GHITM: variants seen among roughly 807,000 people sequenced by gnomAD.
GHITM encodes growth hormone inducible transmembrane protein.
GHITM carries 24 observed loss-of-function variants against 38.7 expected under a neutral mutation model. The ratio of observed to expected loss-of-function variants is 0.62; its 90% CI spans 0.45 to 0.87. The LOEUF is 0.87. Ranked by LOEUF, GHITM falls within the 40% of genes least tolerant of loss-of-function variation. GHITM has a pLI of 0.00. For synonymous variants in GHITM, 154 were observed against 147.8 expected, an observed-to-expected ratio of 1.04 and a Z score of -0.30; for missense variants, 420 against 429.8, an observed-to-expected ratio of 0.98 and a Z score of 0.20.
rs377733810 is a variant in GHITM at position 84,150,240 on chromosome 10, T to C, written c.778T>C (p.Leu260=). Residue 260 remains leucine, a synonymous_variant, in exon 7 of 9, where the codon TTG becomes CTG. Transcript: ENST00000372134. ...VGLGLVFVSS[L]GSMFLPPTTV... ...CCTGGGTCTCGTCTTTGTGTCCTCATTGGGTAAGCTGCTGTGTTTTAACAC... is the reference window on the plus strand; with the variant it reads ...CCTGGGTCTCGTCTTTGTGTCCTCACTGGGTAAGCTGCTGTGTTTTAACAC... 5.6e-6 allele frequency: 9 copies of C among 1,600,866 alleles called. No homozygotes were observed. In the East Asian group the frequency reaches 6.7e-5, roughly 12 times the overall value.
rs1319374928 is a variant in GHITM, at chr10:84,152,549, A to T, written c.*201A>T. On this transcript the variant is annotated 3_prime_UTR_variant, in exon 9 of 9. Transcript: ENST00000372134. ...TAAATGCAGTAATCCTCTCCCAAATAAGCACACACATTTTCAATTCTCATG... is the reference window on the plus strand; with the variant it reads ...TAAATGCAGTAATCCTCTCCCAAATTAGCACACACATTTTCAATTCTCATG... The T allele has an allele frequency of 1.5e-5, 6 of 400,206 alleles. No individual in the cohort carries two copies. Among genetic ancestry groups the T allele is most frequent in the Non-Finnish European group, 2.2e-5 (5 of 225,926 alleles). 24.8% of individuals were successfully genotyped at this position (400,206 alleles called of 1,614,324 possible).
At chr10:84,152,040 A>AT (rs930946014) in intron 8 of GHITM, among the ~76,000 whole-genome samples, 4 of 152,282 alleles carry the variant, frequency 2.6e-5, no homozygotes, top group African/African-American at 9.6e-5. Flanking sequence ...TAAAATAATG[A>AT]TTTTTTTAAA....
rs767211971 is a variant in GHITM at position 84,142,649 on chromosome 10, T to C, written c.130-6T>C. 1.1e-5 allele frequency: 18 copies of C among 1,597,042 alleles called. No individual in the cohort carries two copies. Among genetic ancestry groups the C allele is most frequent in the East Asian group, 1.1e-4 (5 of 44,692 alleles). Reference sequence around the variant, plus strand: ...TGGTACGTGTCTTTGTTTGCATGTGTGTCAGGAATATGCCACCAAAACAAG... The same window carrying C: ...TGGTACGTGTCTTTGTTTGCATGTGCGTCAGGAATATGCCACCAAAACAAG... On this transcript the variant is annotated splice_polypyrimidine_tract_variant and splice_region_variant and intron_variant, in intron 2 of 8. Coordinates refer to ENST00000372134, the MANE Select transcript of GHITM (RefSeq NM_014394.3).
In GHITM at chr10:84,144,889, A is replaced by G. The variant is rs1841542982; in HGVS notation, c.356A>G (p.Tyr119Cys). 2 of 1,584,276 alleles carry G rather than the reference A, an allele frequency of 1.3e-6. No homozygotes were observed. The highest frequency in any genetic ancestry group is 1.1e-5 in the South Asian group (1 of 87,016). The change falls in exon 5 of 9, where the codon TAT (tyrosine) becomes TGT (cysteine). Residue 119 changes from tyrosine to cysteine, a missense_variant. Transcript: ENST00000372134. ...AIEKAVIWPQYVKDRIHSTYM... is the reference protein window; with the variant it reads ...AIEKAVIWPQCVKDRIHSTYM... ...GTTTCTTACAGAATTTGGCCTCAGT[A>G]TGTCAAGGATAGAATTCATTCCACC...
Position 84,148,226 on chromosome 10 carries a change from ACT to A in GHITM, c.484-501_484-500del, listed in dbSNP as rs147894365. On this transcript the variant is annotated intron_variant, in intron 5 of 8. Coordinates refer to ENST00000372134, the MANE Select transcript of GHITM (RefSeq NM_014394.3). ...GGGCACTCGTGCTAACTTAGCCAAA[ACT>A]CTGAAATAAACCCAGAGCTTTTAAT... Among the ~76,000 whole-genome samples, 226 of 152,296 alleles carry A rather than the reference ACT, an allele frequency of 1.5e-3. 5 individuals are homozygous for A. In the East Asian group the frequency reaches 0.034, roughly 23 times the overall value.
Position 84,150,078 on chromosome 10 carries a change from C to T in GHITM, c.616C>T (p.Pro206Ser), listed in dbSNP as rs1214410078. The T allele has an allele frequency of 4.4e-6, 7 of 1,600,980 alleles. No individual in the cohort carries two copies. The highest frequency in any genetic ancestry group is 6.0e-6 in the Non-Finnish European group (7 of 1,171,356). ...AGGTGTGATGGGTGCAGTGGTGGCT[C>T]CTCTGACAATATTAGGGGGTCCTCT... The part of the protein sequence containing the change: ...HSGVMGAVVA[P>S]LTILGGPLLI... Residue 206 changes from proline to serine, a missense_variant, in exon 7 of 9, where the codon CCT becomes TCT. By Grantham distance (74) the Pro-to-Ser change is moderately conservative. Transcript: ENST00000372134.
intron 2 of GHITM, among the ~76,000 whole-genome samples, chr10:84,141,936 T>A (rs1432256652): frequency 8.3e-6 from 1 of 119,960 alleles, no homozygotes; most frequent in African/African-American, 5.4e-5. Context: ...GAGCACATAG[T>A]CAGAAGTTTA....
At chr10:84,142,583 A>T in intron 2 of GHITM, 72 bp from the exon 3 acceptor site, 1 of 914,476 alleles carries the variant, frequency 1.1e-6, no homozygotes, top group Non-Finnish European at 1.7e-6. Context: ...GTGTAAAGGG[A>T]TCTTGCATTT....
intron 5 of GHITM, among the ~76,000 whole-genome samples, chr10:84,148,253 T>A (rs1214755112): frequency 6.6e-6 from 1 of 152,176 alleles, no homozygotes; most frequent in Non-Finnish European, 1.5e-5. Flanking sequence ...GAGCTTTTAA[T>A]GTGCCAGAAA....
chr10:84,144,941 T>A lies in GHITM; in HGVS notation c.408T>A (p.Gly136=). The A allele has an allele frequency of 6.2e-7, 1 of 1,612,174 alleles. No homozygotes were observed. Among genetic ancestry groups the A allele is most frequent in the South Asian group, 1.1e-5 (1 of 90,946 alleles). The change falls in exon 5 of 9, where the codon GGT becomes GGA. Residue 136 remains glycine, a synonymous_variant. Transcript: ENST00000372134. ...STYMYLAGSI[G]LTALSAIAIS... is the part of the protein sequence containing the mutation. ...ATATGTACTTAGCAGGGAGTATTGG[T>A]TTAACAGCTTTGTCTGCCATAGCAA...
At chr10:84,141,693 G>T in intron 2 of GHITM, 64 bp downstream of exon 2, 1 of 1,500,662 alleles carries the variant, frequency 6.7e-7, no homozygotes, top group Admixed American at 1.7e-5. Context: ...CTTTTTGGCA[G>T]AGTATGGCTG....
At chr10:84,151,731 A>T (rs1049149704) in intron 8 of GHITM, among the ~76,000 whole-genome samples, 38 of 152,140 alleles carry the variant, frequency 2.5e-4, no homozygotes, top group African/African-American at 7.5e-4. Context: ...GGGTTATTTT[A>T]TTTAAACAAT....
Position 84,150,260 on chromosome 10 carries a change from T to C in GHITM, c.781+17T>C, listed in dbSNP as rs1403914550. 1 of 1,563,508 alleles carries C rather than the reference T, an allele frequency of 6.4e-7. No individual in the cohort carries two copies. The highest frequency in any genetic ancestry group is 1.4e-5 in the African/African-American group (1 of 73,522). ...CCTCATTGGGTAAGCTGCTGTGTTT[T>C]AACACTTAATTCTTGGTGCATAGTT... On this transcript the variant is annotated intron_variant, in intron 7 of 8. Transcript: ENST00000372134.
At chr10:84,141,342 C>T in intron 1 of GHITM, 120 bp from the exon 2 acceptor site, 2 of 589,582 alleles carry the variant, frequency 3.4e-6, no homozygotes, top group Non-Finnish European at 3.0e-6. Context: ...GCTTTATTTC[C>T]TGTTCTACTA....
rs1841630544 is a variant in GHITM at position 84,153,532 on chromosome 10, T to C, written c.*1184T>C. Among the ~76,000 whole-genome samples, 2 of 152,354 alleles carry C rather than the reference T, an allele frequency of 1.3e-5. No individual in the cohort carries two copies. Among genetic ancestry groups the C allele is most frequent in the African/African-American group, 2.4e-5 (1 of 41,592 alleles). On this transcript the variant is annotated 3_prime_UTR_variant, in exon 9 of 9. Coordinates refer to ENST00000372134, the MANE Select transcript of GHITM (RefSeq NM_014394.3). ...TAAGTTCTTTGATACAGAAGAGTTA[T>C]ATTTAGAAGTCTTTAATGAAGGGAA...
chr10:84,150,708 G>A lies in GHITM; in HGVS notation c.782-1G>A, dbSNP rs1841603268. On this transcript the variant is annotated splice_acceptor_variant, in intron 7 of 8. Transcript: ENST00000372134. LOFTEE classifies it high-confidence loss of function. ...ATCTTGTTTTCGCATTTTGATTTCA[G>A]GATCTATGTTTCTTCCACCTACCAC... 6.4e-7 allele frequency: 1 copy of A among 1,574,552 alleles called. No individual in the cohort carries two copies. The highest frequency in any genetic ancestry group is 8.6e-7 in the Non-Finnish European group (1 of 1,158,892).
intron 1 of GHITM, chr10:84,139,918 G>A: frequency 6.6e-6 from 1 of 152,446 alleles, no homozygotes; most frequent in Non-Finnish European, 1.5e-5. Flanking sequence ...GTTGTGGGTT[G>A]ACAGGGAAGT....
Position 84,150,215 on chromosome 10 carries a change from C to T in GHITM, c.753C>T (p.Gly251=). The change falls in exon 7 of 9, where the codon GGC becomes GGT. Residue 251 remains glycine (G), a synonymous_variant. Transcript: ENST00000372134. ...FLNMGAPLGV[G]LGLVFVSSLG... Reference sequence around the variant, plus strand: ...ACATGGGTGCACCCCTGGGAGTGGGCCTGGGTCTCGTCTTTGTGTCCTCAT... The same window carrying T: ...ACATGGGTGCACCCCTGGGAGTGGGTCTGGGTCTCGTCTTTGTGTCCTCAT... The T allele has an allele frequency of 6.2e-7, 1 of 1,610,560 alleles. No individual in the cohort carries two copies.
At chr10:84,145,922 G>A (rs537414193) in intron 5 of GHITM, among the ~76,000 whole-genome samples, 40 of 152,316 alleles carry the variant, frequency 2.6e-4, no homozygotes, top group African/African-American at 8.7e-4. Flanking sequence ...AGGGCCAGGT[G>A]CAGTGGCTCA....
Sources: gnomAD v4.1 joint callset for allele counts (sites outside exome capture counted in the v4.1 genomes callset) on GRCh38, gnomAD v4.1.1 for gene constraint, MANE v1.5 for transcripts, NCBI Gene and HGNC (gene_info 2026-07-23, HGNC 2026-07-21) for gene names.